Variants in CNGA3 observed in about 807,000 individuals in gnomAD.
The protein encoded by CNGA3 is cyclic nucleotide gated channel subunit alpha 3.
Under a neutral mutation model 46.6 loss-of-function variants are expected in CNGA3, and 42 were observed. The ratio of observed to expected loss-of-function variants is 0.90; its 90% confidence interval spans 0.70 to 1.17. The LOEUF (loss-of-function observed/expected upper bound fraction) is 1.17. Among genes scored for constraint, CNGA3 ranks in the 50% most tolerant of loss-of-function variants. CNGA3 has a pLI of 0.00. For missense variants in CNGA3, 893 were observed against 890.7 expected (o/e 1.00, Z -0.03); for synonymous variants, 394 against 369.4 (o/e 1.07, Z -0.76).
intron 3 of CNGA3, chr2:98,378,297 G>A (rs955280159): frequency 7.7e-5 from 105 of 1,372,488 alleles, no homozygotes; most frequent in Middle Eastern, 2.6e-4. Context: ...GATGACATCC[G>A]TACTCCAGCT....
At chr2:98,358,654 A>T (rs1546351) in intron 1 of CNGA3, among the ~76,000 whole-genome samples, 70,293 of 152,080 alleles carry the variant, frequency 0.46, 16,636 homozygotes, top group Admixed American at 0.52. Context: ...AGAAGATATA[A>T]CAACCAATCA....
At chr2:98,384,185 GC>G (rs779630602) in intron 5 of CNGA3, among the ~76,000 whole-genome samples, 2 of 152,150 alleles carry the variant, frequency 1.3e-5, no homozygotes, top group Non-Finnish European at 2.9e-5. Context: ...ACTGCGCCTC[GC>G]CTGAAGTTCC....
intron 2 of CNGA3, among the ~76,000 whole-genome samples, chr2:98,370,399 A>T (rs1692258032): frequency 6.6e-6 from 1 of 152,236 alleles, no homozygotes; most frequent in Admixed American, 6.5e-5. Context: ...ACACTCTCCC[A>T]TGTATTCATC....
At chr2:98,385,763 G>A (rs1300325481) in intron 5 of CNGA3, among the ~76,000 whole-genome samples, 1 of 152,172 alleles carries the variant, frequency 6.6e-6, no homozygotes, top group Non-Finnish European at 1.5e-5. Context: ...TATACAGGAA[G>A]CATAGCAGCT....
chr2:98,371,896 G>A (rs897020306), intron 2 of CNGA3, among the ~76,000 whole-genome samples: 1 of 152,190 alleles, frequency 6.6e-6, no homozygotes, highest in Non-Finnish European at 1.5e-5. Flanking sequence ...ACGATCCTGG[G>A]ATCCTGGGCC....
chr2:98,396,552 C>T lies in CNGA3; in HGVS notation c.1382C>T (p.Pro461Leu), dbSNP rs1389564330. 1 of 1,613,952 alleles carries T rather than the reference C, an allele frequency of 6.2e-7. No individual in the cohort carries two copies. ...VDEKEVLKSLPDKLKAEIAIN... is the reference protein window; with the variant it reads ...VDEKEVLKSLLDKLKAEIAIN... ...GAGAAGGAGGTGCTCAAGAGCCTCCCAGACAAGCTGAAGGCTGAGATCGCC... is the reference window on the plus strand; with the variant it reads ...GAGAAGGAGGTGCTCAAGAGCCTCCTAGACAAGCTGAAGGCTGAGATCGCC... Residue 461 changes from proline (P) to leucine (L), a missense_variant, in exon 8 of 8, where the codon CCA (proline) becomes CTA (leucine). Transcript: ENST00000272602.
intron 5 of CNGA3, among the ~76,000 whole-genome samples, chr2:98,386,308 C>T (rs1288646248): frequency 6.6e-6 from 1 of 152,204 alleles, no homozygotes; most frequent in Non-Finnish European, 1.5e-5. Flanking sequence ...TTGGCTGTGT[C>T]CCCACCCAAA....
chr2:98,369,660 A>G (rs1359915290), intron 1 of CNGA3, among the ~76,000 whole-genome samples: 1 of 152,214 alleles, frequency 6.6e-6, no homozygotes, highest in Admixed American at 6.5e-5. Context: ...TTGGCCCTTC[A>G]TTTATTTATT....
At chr2:98,353,246 T>C (rs1039399863) in intron 1 of CNGA3, among the ~76,000 whole-genome samples, 2 of 151,004 alleles carry the variant, frequency 1.3e-5, no homozygotes, top group East Asian at 3.8e-4. Flanking sequence ...ATATATCCTA[T>C]TGGTTCTGTT....
chr2:98,367,261 C>A (rs1015140384), intron 1 of CNGA3, among the ~76,000 whole-genome samples: 1 of 146,536 alleles, frequency 6.8e-6, no homozygotes, highest in African/African-American at 2.5e-5. Context: ...GTGGCGCGAT[C>A]TCGGCTCACC....
chr2:98,363,104 C>CT (rs1355045023), intron 1 of CNGA3, among the ~76,000 whole-genome samples: 1 of 152,140 alleles, frequency 6.6e-6, no homozygotes, highest in African/African-American at 2.4e-5. Context: ...CAGCTTTGTT[C>CT]TTTTTGTTTA....
At position 98,389,786 on chromosome 2, in the gene CNGA3, G is replaced by A; in HGVS notation, c.566+12G>A. On this transcript the variant is annotated intron_variant, in intron 6 of 7. Transcript: ENST00000272602. ...CTGCTTATTTGCAGGTAAGCGACAG[G>A]GGTGGAAGGTGCAGCGGAAAGGGGG... 6.2e-7 allele frequency: 1 copy of A among 1,606,378 alleles called. No individual in the cohort carries two copies. Among genetic ancestry groups the A allele is most frequent in the Non-Finnish European group, 8.5e-7 (1 of 1,174,316 alleles).
intron 1 of CNGA3, among the ~76,000 whole-genome samples, chr2:98,367,218 A>T (rs10188525): frequency 7.3e-6 from 1 of 136,306 alleles, no homozygotes. Context: ...ACAGAGTCTC[A>T]CTGTGTCCCC....
rs1692935475 is a variant in CNGA3 at position 98,396,975 on chromosome 2, G to A, written c.1805G>A (p.Gly602Glu). ...GCCAAGAAGGCCCTGGAGGAGAAAG[G>A]ACGGCAGATCCTGATGAAAGACAAC... ...PEAKKALEEK[G>E]RQILMKDNLI... The change falls in exon 8 of 8, where the codon GGA becomes GAA. Residue 602 changes from glycine (G) to glutamate (E), a missense_variant. Around this residue, in one of 3 missense-constraint regions of CNGA3, gnomAD observed 548 missense variants for 570.8 expected, o/e 0.96. Coordinates refer to ENST00000272602, the MANE Select transcript of CNGA3 (RefSeq NM_001298.3). 5.0e-6 allele frequency: 8 copies of A among 1,614,022 alleles called. No homozygotes were observed. The highest frequency in any genetic ancestry group is 1.3e-5 in the African/African-American group (1 of 74,932).
intron 7 of CNGA3, 143 bp from the exon 8 acceptor site, chr2:98,395,701 G>A (rs1389970536): frequency 7.1e-6 from 5 of 699,658 alleles, no homozygotes; most frequent in Non-Finnish European, 1.0e-5. Flanking sequence ...CTGTAGTAAT[G>A]GTAAGTGTTG....
chr2:98,347,818 G>A (rs2106064072), intron 1 of CNGA3, among the ~76,000 whole-genome samples: 1 of 152,286 alleles, frequency 6.6e-6, no homozygotes, highest in Admixed American at 6.5e-5. Context: ...ACAGCTCGGT[G>A]CCCCTAACAT....
In CNGA3 at chr2:98,396,611, C is replaced by T. The variant is rs751916521; in HGVS notation, c.1441C>T (p.Arg481Cys). The change falls in exon 8 of 8, where the codon CGC (arginine) becomes TGC (cysteine). Residue 481 changes from arginine to cysteine, a missense_variant. Around this residue, in one of 3 missense-constraint regions of CNGA3, gnomAD observed 548 missense variants for 570.8 expected, o/e 0.96. Coordinates refer to ENST00000272602, the MANE Select transcript of CNGA3 (RefSeq NM_001298.3). ...NVHLDTLKKV[R>C]IFQDCEAGLL... ...GCACCTGGACACGCTGAAGAAGGTT[C>T]GCATCTTCCAGGACTGTGAGGCAGG... 6.8e-6 allele frequency: 11 copies of T among 1,613,892 alleles called. No individual in the cohort carries two copies. The highest frequency in any genetic ancestry group is 2.2e-5 in the East Asian group (1 of 44,882).
chr2:98,396,174 G>C lies in CNGA3; in HGVS notation c.1004G>C (p.Trp335Ser). ...TTCATTGGTTTTGGGACAGACTCCT[G>C]GGTCTACCCAAACATCTCAATCCCA... is the stretch of plus-strand genomic sequence containing the variant. ...SKFIGFGTDS[W>S]VYPNISIPEH... Residue 335 changes from tryptophan to serine, a missense_variant, in exon 8 of 8, where the codon TGG becomes TCG. By Grantham distance (177) the Trp-to-Ser change is radical. Transcript: ENST00000272602. 1 of 1,614,150 alleles carries C rather than the reference G, an allele frequency of 6.2e-7. No individual in the cohort carries two copies. Among genetic ancestry groups the C allele is most frequent in the Non-Finnish European group, 8.5e-7 (1 of 1,180,042 alleles).
intron 3 of CNGA3, chr2:98,378,135 G>T (rs1374929676): frequency 3.2e-6 from 5 of 1,550,822 alleles, no homozygotes; most frequent in Middle Eastern, 1.7e-4. Flanking sequence ...TTGATTGGGT[G>T]GACACAGTGG....
Sources: gnomAD v4.1 joint callset for allele counts (sites outside exome capture counted in the v4.1 genomes callset) on GRCh38, gnomAD v4.1.1 for gene constraint, gnomAD v4.1.1 regional missense constraint, MANE v1.5 for transcripts, NCBI Gene and HGNC (gene_info 2026-07-23, HGNC 2026-07-21) for gene names.